Variants in STOX2 observed in about 807,000 individuals in gnomAD.
STOX2 encodes the protein storkhead box 2, also known as storkhead-box protein 2.
STOX2 carries 28 observed loss-of-function variants against 60.9 expected under a neutral mutation model. The ratio of observed to expected loss-of-function variants is 0.46; its 90% confidence interval spans 0.34 to 0.63. STOX2 has a LOEUF of 0.63. Among genes scored for constraint, STOX2 ranks in the 30% least tolerant of loss-of-function variants. The pLI is 0.01. For synonymous variants in STOX2, 472 were observed against 463.9 expected (o/e 1.02, Z -0.22); for missense variants, 1,024 against 1,187.7 (o/e 0.86, Z 2.03).
chr4:183,855,041 C>T (rs1424407654), intron 1 of STOX2, among the ~76,000 whole-genome samples: 1 of 152,132 alleles, frequency 6.6e-6, no homozygotes, highest in Non-Finnish European at 1.5e-5. Flanking sequence ...CTCTTCACCC[C>T]AATATTTTTC....
At chr4:183,996,342 G>C (rs9998955) in intron 1 of STOX2, among the ~76,000 whole-genome samples, 4,110 of 152,276 alleles carry the variant, frequency 0.027, 180 homozygotes, top group African/African-American at 0.094. Context: ...ATGAGTTGTC[G>C]TTATGAATGT....
intron 1 of STOX2, among the ~76,000 whole-genome samples, chr4:183,967,101 G>A (rs150335403): frequency 0.014 from 2,114 of 152,244 alleles, 58 homozygotes; most frequent in African/African-American, 0.049. Flanking sequence ...GGTGGCTCAC[G>A]CCTGTAATCC....
intron 1 of STOX2, chr4:183,798,762 G>C: frequency 3.0e-6 from 3 of 985,424 alleles, no homozygotes; most frequent in Non-Finnish European, 3.6e-6. Context: ...GAGTCGCCCA[G>C]AGGTGAAGGT....
rs548466948 is a variant in STOX2 at position 183,953,488 on chromosome 4, C to T, written c.166+46532C>T. ...TTGTACCCAGTGGCAAGACTGGGGC[C>T]CATTCATAGTAGGTAGCACTTAACT... On this transcript the variant is annotated intron_variant, in intron 1 of 3. Coordinates refer to ENST00000308497, the MANE Select transcript of STOX2 (RefSeq NM_020225.3). Among the ~76,000 whole-genome samples, 3 of 152,228 alleles carry T rather than the reference C, an allele frequency of 2.0e-5. No individual in the cohort carries two copies. The South Asian group carries it at 6.2e-4, about 32-fold the overall frequency.
At chr4:183,849,301 C>T (rs1263653692) in intron 1 of STOX2, among the ~76,000 whole-genome samples, 1 of 152,196 alleles carries the variant, frequency 6.6e-6, no homozygotes, top group Non-Finnish European at 1.5e-5. Context: ...CTAGCAGCCA[C>T]TGCTACTGGG....
intron 1 of STOX2, among the ~76,000 whole-genome samples, chr4:183,985,223 AG>A (rs1732795265): frequency 6.6e-6 from 1 of 152,108 alleles, no homozygotes; most frequent in African/African-American, 2.4e-5. Context: ...ATTGACATAT[AG>A]GTTTTGACAT....
chr4:184,010,077 C>A lies in STOX2; in HGVS notation c.1239C>A (p.Ile413=), dbSNP rs768227850. ...LTRVPREGCF[I]IEHKGDNFIM... is the part of the protein sequence containing the mutation. The stretch of plus-strand genomic sequence containing the variant: ...GGGTGCCCAGGGAGGGCTGCTTCAT[C>A]ATTGAACACAAAGGAGATAACTTCA... The change falls in exon 3 of 4, where the codon ATC becomes ATA. Residue 413 remains isoleucine (I), a synonymous_variant. Transcript: ENST00000308497. The surrounding 1 kb of genome is among the most constrained non-coding windows in gnomAD (Gnocchi z 4.5). 79 of 1,610,342 alleles carry A rather than the reference C, an allele frequency of 4.9e-5. No homozygotes were observed. The Admixed American group carries it at 1.3e-3, about 26-fold the overall frequency.
intron 1 of STOX2, among the ~76,000 whole-genome samples, chr4:183,830,157 T>C: frequency 6.6e-6 from 1 of 152,174 alleles, no homozygotes; most frequent in African/African-American, 2.4e-5. Flanking sequence ...CAGAACTAAT[T>C]TCACATCCCC....
chr4:183,847,145 T>C (rs977960296), intron 1 of STOX2, among the ~76,000 whole-genome samples: 1 of 152,212 alleles, frequency 6.6e-6, no homozygotes, highest in African/African-American at 2.4e-5. Flanking sequence ...AATTCCCAAC[T>C]CTGCCTTAGC....
intron 1 of STOX2, among the ~76,000 whole-genome samples, chr4:183,977,918 A>T (rs1270801386): frequency 2.0e-5 from 3 of 152,208 alleles, no homozygotes; most frequent in Middle Eastern, 3.4e-3. Flanking sequence ...TTCTGTTCAC[A>T]TCCTTTGTCC....
At chr4:183,892,990 A>G (rs7675182) in intron 1 of STOX2, among the ~76,000 whole-genome samples, 1,790 of 152,292 alleles carry the variant, frequency 0.012, 30 homozygotes, top group African/African-American at 0.041. Flanking sequence ...CTCCAGGGAC[A>G]TGGTGATGTG....
intron 1 of STOX2, among the ~76,000 whole-genome samples, chr4:183,927,401 A>C (rs754530441): frequency 2.0e-5 from 3 of 152,246 alleles, no homozygotes; most frequent in Admixed American, 2.0e-4. Context: ...TATGTGCTCC[A>C]TAACAGTGAA....
rs1295664398 is a variant in STOX2 at position 183,819,093 on chromosome 4, C to T, written c.364+21038C>T. Among the ~76,000 whole-genome samples the T allele has an allele frequency of 2.7e-5, 4 of 150,332 alleles. No individual in the cohort carries two copies. In the East Asian group the frequency reaches 6.0e-4, roughly 22 times the overall value. On this transcript the variant is annotated intron_variant, in intron 1 of 2. Coordinates refer to the STOX2 transcript ENST00000513034. ...GCCAGGCAGAGGGGCTCCTCACATC[C>T]CAGACGATGGGCGGCCAGGCAGAGA...
At position 183,916,819 on chromosome 4, in the gene STOX2, T is replaced by C. The variant is rs529926434; in HGVS notation, c.166+9863T>C. ...CCGTGTCGTCTTCCTACGGTGACCTTTCCAGAACGCTTTTGTTTTCCCCTT... is the reference window on the plus strand; with the variant it reads ...CCGTGTCGTCTTCCTACGGTGACCTCTCCAGAACGCTTTTGTTTTCCCCTT... On this transcript the variant is annotated intron_variant, in intron 1 of 3. Transcript: ENST00000308497. Among the ~76,000 whole-genome samples, 46 of 152,328 alleles carry C rather than the reference T, an allele frequency of 3.0e-4. 1 individual carries two copies. Among genetic ancestry groups the C allele is most frequent in the African/African-American group, 1.1e-3 (44 of 41,570 alleles).
chr4:184,009,135 G>GGTT lies in STOX2; in HGVS notation c.320-22_320-20dup. ...ATGTTCTGTCTTCATTCTCACAAGT[G>GGTT]GTTTTTTTTTTTTTTTTTTCAGGTG... On this transcript the variant is annotated intron_variant, in intron 2 of 3. Transcript: ENST00000308497. The surrounding 1 kb of genome is among the most constrained non-coding windows in gnomAD (Gnocchi z 4.0). 1 of 1,001,228 alleles carries GGTT rather than the reference G, an allele frequency of 1.0e-6. No individual in the cohort carries two copies. The highest frequency in any genetic ancestry group is 1.4e-6 in the Non-Finnish European group (1 of 691,798). 62.0% of individuals were successfully genotyped at this position (1,001,228 alleles called of 1,614,324 possible). A position where few individuals can be genotyped will look rare whatever the true frequency, so the allele number is the denominator to read the frequency against.
chr4:183,900,387 A>G (rs72998707), upstream of STOX2, among the ~76,000 whole-genome samples: 8,637 of 152,254 alleles, frequency 0.057, 660 homozygotes, highest in African/African-American at 0.17. Flanking sequence ...GATGGATCTG[A>G]GCAGAATAAA....
Position 183,950,316 on chromosome 4 carries a change from C to T in STOX2, c.166+43360C>T, listed in dbSNP as rs147935618. Reference sequence around the variant, plus strand: ...TAGTGAGCAAAGTTGAAATGGTCTCCGCCTTCATGGACCTACAGATTAGTG... The same window carrying T: ...TAGTGAGCAAAGTTGAAATGGTCTCTGCCTTCATGGACCTACAGATTAGTG... On this transcript the variant is annotated intron_variant, in intron 1 of 3. Transcript: ENST00000308497. Among the ~76,000 whole-genome samples the T allele has an allele frequency of 2.8e-3, 422 of 152,260 alleles. 4 individuals are homozygous for T. Among genetic ancestry groups the T allele is most frequent in the African/African-American group, 9.0e-3 (373 of 41,530 alleles).
At chr4:183,800,132 G>T (rs1315438952) in intron 1 of STOX2, among the ~76,000 whole-genome samples, 1 of 152,202 alleles carries the variant, frequency 6.6e-6, no homozygotes, top group Admixed American at 6.5e-5. Context: ...GTAAAATGCT[G>T]AATTGTTTGA....
At chr4:183,828,587 T>TG (rs1739489988) in intron 1 of STOX2, among the ~76,000 whole-genome samples, 1 of 152,120 alleles carries the variant, frequency 6.6e-6, no homozygotes, top group Non-Finnish European at 1.5e-5. Context: ...ATGAATGCAG[T>TG]GGGGTAAATC....
Sources: gnomAD v4.1 joint callset for allele counts (sites outside exome capture counted in the v4.1 genomes callset) on GRCh38, gnomAD v4.1.1 for gene constraint, Gnocchi (gnomAD v3.1) non-coding constraint, MANE v1.5 for transcripts, NCBI Gene and HGNC (gene_info 2026-07-23, HGNC 2026-07-21) for gene names.